Variants in GNA11 observed in about 807,000 individuals in gnomAD.
The protein encoded by GNA11 is G protein subunit alpha 11.
GNA11 carries 8 observed loss-of-function variants against 38.2 expected under a neutral mutation model. That is an observed-to-expected ratio of 0.21 (90% CI 0.12 to 0.38). The LOEUF (loss-of-function observed/expected upper bound fraction) is 0.38. Among genes scored for constraint, GNA11 ranks in the 10% least tolerant of loss-of-function variants. The pLI is 1.00. For synonymous variants in GNA11, 211 were observed against 221.4 expected, an observed-to-expected ratio of 0.95 and a Z score of 0.42; for missense variants, 268 against 516.3, an observed-to-expected ratio of 0.52 and a Z score of 4.66.
At chr19:3,095,568 A>G (rs1389517605) in intron 1 of GNA11, among the ~76,000 whole-genome samples, 1 of 137,960 alleles carries the variant, frequency 7.2e-6, no homozygotes, top group African/African-American at 2.8e-5. Context: ...CTATCCCCAC[A>G]TTCCCTTCAG....
chr19:3,113,740 T>C (rs1431702981), intron 3 of GNA11, among the ~76,000 whole-genome samples: 4 of 152,198 alleles, frequency 2.6e-5, no homozygotes, highest in Admixed American at 2.6e-4. Flanking sequence ...CTGCCCTCCC[T>C]GGGTCAGGAG....
chr19:3,118,677 C>T (rs1913985604), intron 4 of GNA11: 1 of 475,908 alleles, frequency 2.1e-6, no homozygotes, highest in Non-Finnish European at 3.8e-6. Context: ...ACACTAGCGC[C>T]CGCTTCCCTG....
intron 1 of GNA11, among the ~76,000 whole-genome samples, chr19:3,107,963 G>A (rs1299614698): frequency 1.3e-5 from 2 of 152,192 alleles, no homozygotes; most frequent in Admixed American, 6.5e-5. Flanking sequence ...ACTTGGGTGG[G>A]TTTGACCTTT....
Position 3,123,783 on chromosome 19 carries a change from A to G in GNA11, c.*2604A>G, listed in dbSNP as rs1029370144. On this transcript the variant is annotated 3_prime_UTR_variant, in exon 7 of 7. Coordinates refer to ENST00000078429, the MANE Select transcript of GNA11 (RefSeq NM_002067.5). ...AATTTCAACCTTAATCTATTTAAAAAAGAATATTCTATACAAGCTGTTTTT... is the reference window on the plus strand; with the variant it reads ...AATTTCAACCTTAATCTATTTAAAAGAGAATATTCTATACAAGCTGTTTTT... 1 of 232,068 alleles carries G rather than the reference A, an allele frequency of 4.3e-6. No homozygotes were observed. Among genetic ancestry groups the G allele is most frequent in the Non-Finnish European group, 8.5e-6 (1 of 117,402 alleles). 14.4% of individuals were successfully genotyped at this position (232,068 alleles called of 1,614,324 possible).
intron 1 of GNA11, among the ~76,000 whole-genome samples, chr19:3,100,331 T>A (rs1429865614): frequency 6.6e-6 from 1 of 152,218 alleles, no homozygotes; most frequent in Non-Finnish European, 1.5e-5. Context: ...CATCGCCTAG[T>A]GTCCCTGGGA....
chr19:3,095,663 TCTC>T (rs1288251245), intron 1 of GNA11, among the ~76,000 whole-genome samples: 1 of 152,012 alleles, frequency 6.6e-6, no homozygotes, highest in Non-Finnish European at 1.5e-5. Context: ...CAGTCTTTCC[TCTC>T]CTCAGGGTTC....
intron 1 of GNA11, among the ~76,000 whole-genome samples, chr19:3,100,702 T>TGCCCTGGGCTGGCCA: frequency 6.6e-6 from 1 of 152,216 alleles, no homozygotes; most frequent in Admixed American, 6.5e-5. Flanking sequence ...TGGCCTGGGC[T>TGCCCTGGGCTGGCCA]GCCCTGGGCT....
intron 4 of GNA11, among the ~76,000 whole-genome samples, chr19:3,115,746 G>A (rs1913896600): frequency 6.8e-6 from 1 of 146,328 alleles, no homozygotes; most frequent in Admixed American, 6.7e-5. Context: ...CCGAGGCTGT[G>A]AGGGGAGGAG....
Position 3,120,427 on chromosome 19 carries a change from C to T in GNA11, c.890-562C>T, listed in dbSNP as rs1914039638. ...CCCTTGAACACCCCCAGGGGCCTTT[C>T]CACCGGGGCAGGCAGGAGTTACTGG... On this transcript the variant is annotated intron_variant, in intron 6 of 6. Transcript: ENST00000078429. This position sits in a 1 kb window ranked among gnomAD's most constrained non-coding sequence, Gnocchi z 5.9. Among the ~76,000 whole-genome samples the T allele has an allele frequency of 1.3e-5, 2 of 152,284 alleles. No individual in the cohort carries two copies. The highest frequency in any genetic ancestry group is 1.5e-5 in the Non-Finnish European group (1 of 67,996).
Position 3,094,813 on chromosome 19 carries a change from G to A in GNA11, c.136+26G>A, listed in dbSNP as rs1482455098. 1 of 1,518,882 alleles carries A rather than the reference G, an allele frequency of 6.6e-7. No individual in the cohort carries two copies. Among genetic ancestry groups the A allele is most frequent in the Non-Finnish European group, 8.8e-7 (1 of 1,132,722 alleles). The allele number at this position is 1,518,882 out of a possible 1,614,324, so 94.1% of individuals were successfully genotyped here. ...GTGAGTGCGGCCCCCGGGCCTGCCG[G>A]CTGCGGGCCCTGCCCTGCCTGTGCC... is the stretch of plus-strand genomic sequence containing the variant. On this transcript the variant is annotated intron_variant, in intron 1 of 6. Coordinates refer to ENST00000078429, the MANE Select transcript of GNA11 (RefSeq NM_002067.5). The surrounding 1 kb of genome is among the most constrained non-coding windows in gnomAD (Gnocchi z 6.0).
In GNA11 at chr19:3,107,587, C is replaced by T. The variant is rs1452934486; in HGVS notation, c.137-2562C>T. 3.9e-5 allele frequency among the ~76,000 whole-genome samples: 6 copies of T among 152,206 alleles called. No homozygotes were observed. The East Asian group carries it at 1.2e-3, about 29-fold the overall frequency. Reference sequence around the variant, plus strand: ...GTTTGCTGTTTCCAGGTGAAACACCCTTCCAAACAAACACGGAGCAGCCAT... The same window carrying T: ...GTTTGCTGTTTCCAGGTGAAACACCTTTCCAAACAAACACGGAGCAGCCAT... On this transcript the variant is annotated intron_variant, in intron 1 of 6. Coordinates refer to ENST00000078429, the MANE Select transcript of GNA11 (RefSeq NM_002067.5).
At chr19:3,106,226 G>T (rs966609644) in intron 1 of GNA11, among the ~76,000 whole-genome samples, 6 of 152,118 alleles carry the variant, frequency 3.9e-5, no homozygotes, top group African/African-American at 7.2e-5. Flanking sequence ...AGCCCCAGCC[G>T]CGGGGTGTGA....
intron 4 of GNA11, 140 bp from the exon 5 acceptor site, chr19:3,118,784 G>A (rs979654278): frequency 3.5e-5 from 27 of 778,096 alleles, no homozygotes; most frequent in Admixed American, 1.6e-4. Context: ...GTCCTTGCCC[G>A]TTCTAAGAGT....
intron 1 of GNA11, among the ~76,000 whole-genome samples, chr19:3,104,544 G>C (rs952747301): frequency 2.6e-5 from 4 of 152,246 alleles, no homozygotes; most frequent in Non-Finnish European, 5.9e-5. Context: ...ATTCTCCCAG[G>C]AGCCATGGCT....
chr19:3,094,765 C>T lies in GNA11; in HGVS notation c.114C>T (p.Arg38=). ...GGCGGGACAAGCGCGACGCCCGGCG[C>T]GAGCTCAAGCTGCTGCTGCTCGGTG... The part of the protein sequence containing the change: ...QLRRDKRDAR[R]ELKLLLLGTG... The change falls in exon 1 of 7, where the codon CGC becomes CGT. Residue 38 remains arginine (R), a synonymous_variant. Transcript: ENST00000078429. This position sits in a 1 kb window ranked among gnomAD's most constrained non-coding sequence, Gnocchi z 6.0. 1.3e-6 allele frequency: 2 copies of T among 1,586,432 alleles called. No individual in the cohort carries two copies. Among genetic ancestry groups the T allele is most frequent in the East Asian group, 2.4e-5 (1 of 41,880 alleles).
At position 3,123,513 on chromosome 19, in the gene GNA11, GTGT is replaced by G; in HGVS notation, c.*2336_*2338del. 4.3e-6 allele frequency: 1 copy of G among 233,324 alleles called. No homozygotes were observed. The highest frequency in any genetic ancestry group is 8.5e-6 in the Non-Finnish European group (1 of 118,038). The allele number at this position is 233,324 out of a possible 1,614,324, so 14.5% of individuals were successfully genotyped here. On this transcript the variant is annotated 3_prime_UTR_variant, in exon 7 of 7. Transcript: ENST00000078429. ...GGGGCCACGTGGGCATGTGGGGTGT[GTGT>G]TTTTACCTTGGTGAATCTCACCTGC...
Position 3,122,545 on chromosome 19 carries a change from G to C in GNA11, c.*1366G>C. 4.3e-6 allele frequency: 1 copy of C among 232,968 alleles called. No homozygotes were observed. Among genetic ancestry groups the C allele is most frequent in the Non-Finnish European group, 8.5e-6 (1 of 117,868 alleles). The allele number at this position is 232,968 out of a possible 1,614,324, so 14.4% of individuals were successfully genotyped here. On this transcript the variant is annotated 3_prime_UTR_variant, in exon 7 of 7. Coordinates refer to ENST00000078429, the MANE Select transcript of GNA11 (RefSeq NM_002067.5). The surrounding 1 kb of genome is among the most constrained non-coding windows in gnomAD (Gnocchi z 7.7). Reference sequence around the variant, plus strand: ...AGACTGGTTCTCCCCGAGAGACTCGGAAGGTGGGGAACGAGGGGACTGTGT... The same window carrying C: ...AGACTGGTTCTCCCCGAGAGACTCGCAAGGTGGGGAACGAGGGGACTGTGT...
In GNA11 at chr19:3,108,311, G is replaced by A. The variant is rs1385269230; in HGVS notation, c.137-1838G>A. The stretch of plus-strand genomic sequence containing the variant: ...ATATCTACCATGGGCAGCAAGGAAG[G>A]TTCCAGAAAGTACCGGAGGGAGAGT... On this transcript the variant is annotated intron_variant, in intron 1 of 6. Transcript: ENST00000078429. The surrounding 1 kb of genome is among the most constrained non-coding windows in gnomAD (Gnocchi z 4.5). Among the ~76,000 whole-genome samples, 1 of 152,230 alleles carries A rather than the reference G, an allele frequency of 6.6e-6. No homozygotes were observed. The highest frequency in any genetic ancestry group is 1.9e-4 in the East Asian group (1 of 5,198).
chr19:3,122,686 CA>C lies in GNA11; in HGVS notation c.*1508del. On this transcript the variant is annotated 3_prime_UTR_variant, in exon 7 of 7. Coordinates refer to ENST00000078429, the MANE Select transcript of GNA11 (RefSeq NM_002067.5). This position sits in a 1 kb window ranked among gnomAD's most constrained non-coding sequence, Gnocchi z 7.7. ...CCTGTGCTGCCTTCGCCCGCCGCCACACCGGGACCCTGCACGGCTGCTTCTG... is the reference window on the plus strand; with the variant it reads ...CCTGTGCTGCCTTCGCCCGCCGCCACCCGGGACCCTGCACGGCTGCTTCTG... 1 of 233,666 alleles carries C rather than the reference CA, an allele frequency of 4.3e-6. No individual in the cohort carries two copies. Among genetic ancestry groups the C allele is most frequent in the East Asian group, 6.0e-5 (1 of 16,592 alleles). 14.5% of individuals were successfully genotyped at this position (233,666 alleles called of 1,614,324 possible). A position where few individuals can be genotyped will look rare whatever the true frequency, so the allele number is the denominator to read the frequency against.
Sources: allele counts gnomAD v4.1 joint callset (sites outside exome capture counted in the v4.1 genomes callset), GRCh38; gene constraint gnomAD v4.1.1; non-coding constraint Gnocchi (gnomAD v3.1); transcripts MANE v1.5; gene names NCBI Gene and HGNC (gene_info 2026-07-23, HGNC 2026-07-21).